The following BMERB1 variants were observed in gnomAD, a reference collection of about 807,000 sequenced individuals.
BMERB1 encodes the protein bMERB domain containing 1, also known as bMERB domain-containing protein 1.
In BMERB1, 12 loss-of-function variants were observed where a neutral mutation model predicts 23.6. The observed-to-expected ratio is 0.51, with a 90% CI of 0.33 to 0.82. BMERB1 has a LOEUF of 0.82. Ranked by LOEUF, BMERB1 falls within the 40% of genes least tolerant of loss-of-function variation. The probability of loss-of-function intolerance (pLI) is 0.03; values close to 1 mark genes in which losing one functional copy is unlikely to be tolerated. For synonymous variants in BMERB1, 122 were observed against 96.6 expected (o/e 1.26, Z -1.54); for missense variants, 247 against 255.4 (o/e 0.97, Z 0.22).
chr16:15,515,162 T>A (rs917264531), intron 1 of BMERB1, 143 bp from the exon 2 acceptor site: 2 of 1,073,532 alleles, frequency 1.9e-6, no homozygotes, highest in Admixed American at 5.0e-5. Context: ...TGCTCACGAA[T>A]ACACATTTGT....
chr16:15,510,699 T>C lies in BMERB1; in HGVS notation c.107-4606T>C, dbSNP rs377214862. On this transcript the variant is annotated intron_variant, in intron 1 of 5. Transcript: ENST00000300006. ...CATCACAGCACACAGTAGCACTCAG[T>C]ATTAATTATCTTTTTTTTTTTAGAC... Among the ~76,000 whole-genome samples, 6 of 151,740 alleles carry C rather than the reference T, an allele frequency of 4.0e-5. No homozygotes were observed. In the South Asian group the frequency reaches 1.2e-3, roughly 32 times the overall value.
intron 1 of BMERB1, among the ~76,000 whole-genome samples, chr16:15,509,520 A>G (rs975119413): frequency 6.6e-6 from 1 of 152,160 alleles, no homozygotes; most frequent in Non-Finnish European, 1.5e-5. Flanking sequence ...TGTACAGAGG[A>G]GGAAAGTGAC....
At chr16:15,499,899 CA>C (rs2051511315) in intron 1 of BMERB1, among the ~76,000 whole-genome samples, 1 of 152,272 alleles carries the variant, frequency 6.6e-6, no homozygotes, top group African/African-American at 2.4e-5. Flanking sequence ...AGTAAGGAAA[CA>C]AAGGGATGAG....
intron 1 of BMERB1, among the ~76,000 whole-genome samples, chr16:15,502,677 C>T (rs527761560): frequency 5.3e-5 from 8 of 152,194 alleles, no homozygotes; most frequent in African/African-American, 1.9e-4. Flanking sequence ...GATATTGGCT[C>T]CCTGGTCATG....
intron 2 of BMERB1, among the ~76,000 whole-genome samples, chr16:15,561,825 C>G (rs994074063): frequency 1.1e-4 from 17 of 152,000 alleles, no homozygotes; most frequent in Non-Finnish European, 2.1e-4. Context: ...CCCTGGCGTT[C>G]GAAGCTGCAG....
intron 2 of BMERB1, among the ~76,000 whole-genome samples, chr16:15,561,382 C>G (rs889523881): frequency 1.4e-5 from 2 of 147,628 alleles, no homozygotes. Context: ...GATTCTCCTG[C>G]TTCAGCCTCC....
intron 2 of BMERB1, among the ~76,000 whole-genome samples, chr16:15,544,455 A>G (rs1204033841): frequency 6.6e-6 from 1 of 152,198 alleles, no homozygotes; most frequent in Non-Finnish European, 1.5e-5. Context: ...CCCCGCAGGG[A>G]AGACTAAAAT....
chr16:15,485,297 A>G (rs1315294992), intron 1 of BMERB1, among the ~76,000 whole-genome samples: 1 of 152,138 alleles, frequency 6.6e-6, no homozygotes, highest in Non-Finnish European at 1.5e-5. Flanking sequence ...GTGTCATTCA[A>G]AGTTCACTAG....
intron 1 of BMERB1, among the ~76,000 whole-genome samples, chr16:15,465,398 G>A (rs997761450): frequency 3.3e-5 from 5 of 149,764 alleles, no homozygotes; most frequent in East Asian, 2.0e-4. Context: ...TGTCACCCAG[G>A]CTGGAGTGCA....
chr16:15,541,423 GTTTTTT>G (rs869249451), intron 2 of BMERB1, among the ~76,000 whole-genome samples: 5 of 92,130 alleles, frequency 5.4e-5, no homozygotes, highest in African/African-American at 2.2e-4. Context: ...CCGCCGAATT[GTTTTTT>G]TTTTTTTTTT....
intron 1 of BMERB1, among the ~76,000 whole-genome samples, chr16:15,505,118 C>G (rs2051573267): frequency 6.6e-6 from 1 of 152,134 alleles, no homozygotes; most frequent in Non-Finnish European, 1.5e-5. Flanking sequence ...ACCCTGGGAA[C>G]CACATCTTGC....
At chr16:15,553,726 C>T (rs2030161272) in intron 2 of BMERB1, among the ~76,000 whole-genome samples, 1 of 152,182 alleles carries the variant, frequency 6.6e-6, no homozygotes, top group Non-Finnish European at 1.5e-5. Flanking sequence ...TGTACCAAAA[C>T]AGGCAGTGGG....
At chr16:15,496,922 G>GCAGGGGCAGAGCCAGC (rs1269568728) in intron 1 of BMERB1, among the ~76,000 whole-genome samples, 1 of 152,160 alleles carries the variant, frequency 6.6e-6, no homozygotes, top group Non-Finnish European at 1.5e-5. Context: ...GCAGAGCCAG[G>GCAGGGGCAGAGCCAGC]CAGGGGCAGA....
chr16:15,543,308 T>C (rs1486168467), intron 2 of BMERB1, among the ~76,000 whole-genome samples: 8 of 152,094 alleles, frequency 5.3e-5, no homozygotes, highest in Admixed American at 4.6e-4. Flanking sequence ...TTGGGGTTCT[T>C]AAGGGCATAG....
chr16:15,443,661 T>A (rs1288535007), intron 1 of BMERB1, among the ~76,000 whole-genome samples: 1 of 152,100 alleles, frequency 6.6e-6, no homozygotes, highest in Non-Finnish European at 1.5e-5. Context: ...CTCGAGCCTG[T>A]AATCCCAGCA....
At chr16:15,564,137 C>T (rs1190662958) in intron 2 of BMERB1, among the ~76,000 whole-genome samples, 2 of 152,198 alleles carry the variant, frequency 1.3e-5, no homozygotes, top group East Asian at 3.8e-4. Context: ...TTCCAGCCAG[C>T]AGAATCATGA....
chr16:15,580,064 T>C (rs1209713322), intron 3 of BMERB1, among the ~76,000 whole-genome samples: 1 of 151,760 alleles, frequency 6.6e-6, no homozygotes, highest in Admixed American at 6.6e-5. Context: ...TTCCTGATGC[T>C]CTCCCTCCCC....
chr16:15,497,615 T>G (rs897048438), intron 1 of BMERB1, among the ~76,000 whole-genome samples: 1 of 152,234 alleles, frequency 6.6e-6, no homozygotes, highest in African/African-American at 2.4e-5. Flanking sequence ...TTTAAGCCAC[T>G]AAGTTTGTGT....
chr16:15,537,383 C>G (rs1036611718), intron 2 of BMERB1, among the ~76,000 whole-genome samples: 7 of 151,100 alleles, frequency 4.6e-5, no homozygotes, highest in Non-Finnish European at 1.0e-4. Flanking sequence ...GAGACAGCAT[C>G]TCGCTCTGTT....
Sources: gnomAD v4.1 joint callset for allele counts (sites outside exome capture counted in the v4.1 genomes callset) on GRCh38, gnomAD v4.1.1 for gene constraint, MANE v1.5 for transcripts, NCBI Gene and HGNC (gene_info 2026-07-23, HGNC 2026-07-21) for gene names.